TNNI1: variants seen among roughly 807,000 people sequenced by gnomAD.
TNNI1 encodes the protein troponin I1, slow skeletal type.
TNNI1 carries 14 observed loss-of-function variants against 26.7 expected under a neutral mutation model. The ratio of observed to expected loss-of-function variants is 0.52; its 90% CI spans 0.35 to 0.82. The LOEUF (loss-of-function observed/expected upper bound fraction) is 0.82. TNNI1 is among the 40% of genes least tolerant of loss of function. The probability of loss-of-function intolerance (pLI) is 0.01; values close to 1 mark genes in which losing one functional copy is unlikely to be tolerated. For missense variants in TNNI1, 164 were observed against 257.0 expected, an observed-to-expected ratio of 0.64 and a Z score of 2.47; for synonymous variants, 79 against 98.2, an observed-to-expected ratio of 0.80 and a Z score of 1.16.
rs190671991 is a variant in TNNI1, at chr1:201,421,127, G to A, written c.-20+546C>T. Among the ~76,000 whole-genome samples, 24 of 152,344 alleles carry A rather than the reference G, an allele frequency of 1.6e-4. No homozygotes were observed. In the East Asian group the frequency reaches 3.7e-3, roughly 23 times the overall value. On this transcript the variant is annotated intron_variant, in intron 1 of 8. Transcript: ENST00000361379. ...GCTACACTACAGAGGGATAGGCAAA[G>A]GGAGCTAACAGCGTCGCTCAGAGAC...
intron 1 of TNNI1, among the ~76,000 whole-genome samples, chr1:201,419,402 G>A (rs920151041): frequency 6.6e-6 from 1 of 152,198 alleles, no homozygotes; most frequent in Non-Finnish European, 1.5e-5. Flanking sequence ...GGAAAGGAAG[G>A]GGACAGCTGA....
intron 7 of TNNI1, 60 bp from the exon 8 acceptor site, chr1:201,410,495 G>T: frequency 7.0e-7 from 1 of 1,426,534 alleles, no homozygotes; most frequent in Non-Finnish European, 9.9e-7. Context: ...CCCAGCTCAA[G>T]AGAAGCTGGG....
chr1:201,419,952 T>C (rs1462473612), intron 1 of TNNI1, among the ~76,000 whole-genome samples: 1 of 152,188 alleles, frequency 6.6e-6, no homozygotes, highest in Admixed American at 6.5e-5. Flanking sequence ...CCAAAGACAC[T>C]GAGGAAGTCC....
chr1:201,415,331 G>A (rs1038372484), intron 3 of TNNI1, 77 bp from the exon 4 acceptor site: 26 of 1,464,010 alleles, frequency 1.8e-5, no homozygotes, highest in South Asian at 7.0e-5. Flanking sequence ...GACAAGACAA[G>A]TGCCAGCCAG....
Position 201,409,037 on chromosome 1 carries a change from C to T in TNNI1, c.*216G>A, listed in dbSNP as rs1662582662. ...CAGGTGCCTCATGGGTGGATAGAAG[C>T]CCACCCTGCCAGGGTGAGGTCTTCA... On this transcript the variant is annotated 3_prime_UTR_variant, in exon 9 of 9. Transcript: ENST00000361379. 1 of 152,222 alleles carries T rather than the reference C, an allele frequency of 6.6e-6. No individual in the cohort carries two copies. 9.4% of individuals were successfully genotyped at this position (152,222 alleles called of 1,614,324 possible).
chr1:201,417,866 C>T (rs539691062), intron 1 of TNNI1, 54 bp from the exon 2 acceptor site: 5 of 1,274,974 alleles, frequency 3.9e-6, no homozygotes, highest in South Asian at 6.7e-5. Flanking sequence ...CCTGCCCCTG[C>T]CCAGCTGGGC....
chr1:201,409,937 T>C (rs1662600498), intron 8 of TNNI1: 1 of 166,448 alleles, frequency 6.0e-6, no homozygotes, highest in African/African-American at 2.4e-5. Flanking sequence ...TCTCAAACTC[T>C]CATGTGCATC....
chr1:201,403,907 T>C lies in TNNI1; in HGVS notation c.*5346A>G, dbSNP rs935066004. On this transcript the variant is annotated 3_prime_UTR_variant, in exon 9 of 9. Coordinates refer to ENST00000361379, the MANE Select transcript of TNNI1 (RefSeq NM_003281.4). ...CTTTGTGGAGAGGAAGGGGTTGTGA[T>C]TGGGGAGGGACGCATAAGGGCTTCA... 1.3e-5 allele frequency: 2 copies of C among 152,156 alleles called. No homozygotes were observed. Among genetic ancestry groups the C allele is most frequent in the South Asian group, 2.1e-4 (1 of 4,816 alleles). The allele number at this position is 152,156 out of a possible 1,614,324, so 9.4% of individuals were successfully genotyped here.
intron 1 of TNNI1, among the ~76,000 whole-genome samples, chr1:201,421,459 G>T (rs1313098297): frequency 6.6e-6 from 1 of 152,206 alleles, no homozygotes; most frequent in Non-Finnish European, 1.5e-5. Flanking sequence ...CCAGGAAAAA[G>T]TTTCACCTCT....
intron 7 of TNNI1, among the ~76,000 whole-genome samples, chr1:201,410,944 G>A (rs1662622616): frequency 6.6e-6 from 1 of 152,280 alleles, no homozygotes; most frequent in South Asian, 2.1e-4. Context: ...TGAATAATTT[G>A]TTGCTGGGTG....
At chr1:201,412,889 A>G (rs1202402584) in intron 6 of TNNI1, 143 bp downstream of exon 6, 5 of 765,910 alleles carry the variant, frequency 6.5e-6, no homozygotes, top group South Asian at 1.5e-5. Context: ...CTATGGGGCT[A>G]GGGCAGACAA....
chr1:201,410,112 C>G (rs758281039), intron 8 of TNNI1: 1 of 503,870 alleles, frequency 2.0e-6, no homozygotes, highest in Non-Finnish European at 3.5e-6. Flanking sequence ...ATAATGGGAA[C>G]AAAAAGGGCC....
chr1:201,405,077 T>C lies in TNNI1; in HGVS notation c.*4176A>G, dbSNP rs770615740. ...TGGGGTGCTGAGTTGAGGCCAGAGA[T>C]GGGCAGCCTGTTCAGATCCCTGGGC... On this transcript the variant is annotated 3_prime_UTR_variant, in exon 9 of 9. Transcript: ENST00000361379. The C allele has an allele frequency of 3.9e-5, 6 of 152,298 alleles. No individual in the cohort carries two copies. The highest frequency in any genetic ancestry group is 8.8e-5 in the Non-Finnish European group (6 of 68,096). The allele number at this position is 152,298 out of a possible 1,614,324, so 9.4% of individuals were successfully genotyped here. A position where few individuals can be genotyped will look rare whatever the true frequency, so the allele number is the denominator to read the frequency against.
At chr1:201,414,867 C>T (rs1324299010) in intron 4 of TNNI1, among the ~76,000 whole-genome samples, 4 of 152,244 alleles carry the variant, frequency 2.6e-5, no homozygotes, top group Non-Finnish European at 4.4e-5. Flanking sequence ...CAGTCTTCCT[C>T]TTATCCACTT....
chr1:201,418,688 G>A (rs1455241726), intron 1 of TNNI1, among the ~76,000 whole-genome samples: 2 of 152,136 alleles, frequency 1.3e-5, no homozygotes, highest in South Asian at 2.1e-4. Flanking sequence ...GCACCTCCAG[G>A]GTGGGGCAGT....
chr1:201,417,031 C>T (rs1662754425), intron 3 of TNNI1, 85 bp downstream of exon 3: 1 of 1,548,920 alleles, frequency 6.5e-7, no homozygotes, highest in African/African-American at 1.4e-5. Flanking sequence ...CAGGCTCTTC[C>T]CTCTCCTCAG....
At chr1:201,420,702 G>A (rs1397375432) in intron 1 of TNNI1, among the ~76,000 whole-genome samples, 4 of 151,664 alleles carry the variant, frequency 2.6e-5, no homozygotes, top group Non-Finnish European at 5.9e-5. Flanking sequence ...CCCGCCCCCT[G>A]ACCTTGGACC....
At chr1:201,413,865 C>T (rs985488570) in intron 5 of TNNI1, among the ~76,000 whole-genome samples, 1 of 152,144 alleles carries the variant, frequency 6.6e-6, no homozygotes, top group African/African-American at 2.4e-5. Flanking sequence ...ACTATGTTGC[C>T]CAGGCTGGTC....
intron 1 of TNNI1, 114 bp from the exon 2 acceptor site, chr1:201,417,926 C>G (rs1662781204): frequency 2.6e-6 from 2 of 759,326 alleles, no homozygotes; most frequent in Admixed American, 8.5e-5. Flanking sequence ...AGGAAGAAAT[C>G]AGACACATTG....
Sources: allele counts gnomAD v4.1 joint callset (sites outside exome capture counted in the v4.1 genomes callset), GRCh38; gene constraint gnomAD v4.1.1; transcripts MANE v1.5; gene names NCBI Gene and HGNC (gene_info 2026-07-23, HGNC 2026-07-21).